PCDHB1: variants seen among roughly 807,000 people sequenced by gnomAD.
The protein encoded by PCDHB1 is protocadherin beta 1.
A neutral mutation model predicts 43.5 loss-of-function variants in PCDHB1; 44 were observed. That is an observed-to-expected ratio of 1.01 (90% CI 0.79 to 1.30). The LOEUF (loss-of-function observed/expected upper bound fraction) is 1.30, where lower values mean the gene tolerates loss of function less well. Ranked by LOEUF, PCDHB1 falls within the 50% of genes most tolerant of loss-of-function variation. The pLI is 0.00. For synonymous variants in PCDHB1, 392 were observed against 400.8 expected, an observed-to-expected ratio of 0.98 and a Z score of 0.26; for missense variants, 919 against 1,008.9, an observed-to-expected ratio of 0.91 and a Z score of 1.21.
chr5:141,053,248 T>C lies in PCDHB1; in HGVS notation c.1778T>C (p.Val593Ala). Residue 593 changes from valine to alanine, a missense_variant, in exon 1 of 1, where the codon GTG becomes GCG. Transcript: ENST00000306549. Reference protein sequence around the residue: ...AGYLVTKVVAVDGDSGQNSWL... With the variant: ...AGYLVTKVVAADGDSGQNSWL... ...TACCTAGTGACCAAAGTGGTGGCTG[T>C]GGATGGTGACTCAGGTCAGAATTCT... 6.2e-7 allele frequency: 1 copy of C among 1,614,206 alleles called. No individual in the cohort carries two copies. Among genetic ancestry groups the C allele is most frequent in the African/African-American group, 1.3e-5 (1 of 75,050 alleles).
In PCDHB1 at chr5:141,052,191, C is replaced by G; in HGVS notation, c.721C>G (p.Gln241Glu). Residue 241 changes from glutamine to glutamate, a missense_variant, in exon 1 of 1, where the codon CAG becomes GAG. Coordinates refer to ENST00000306549, the MANE Select transcript of PCDHB1 (RefSeq NM_013340.4). The stretch of plus-strand genomic sequence containing the variant: ...TCTGGATGTCAACGACCACGTGCCC[C>G]AGTTCTCGCGACTGGTGTACAGAGC... The part of the protein sequence containing the change: ...VVLDVNDHVP[Q>E]FSRLVYRAQV... 1.2e-6 allele frequency: 2 copies of G among 1,614,126 alleles called. No homozygotes were observed. The highest frequency in any genetic ancestry group is 1.7e-6 in the Non-Finnish European group (2 of 1,180,014).
rs376952804 is a variant in PCDHB1 at position 141,053,400 on chromosome 5, C to T, written c.1930C>T (p.Leu644Phe). Residue 644 changes from leucine to phenylalanine, a missense_variant, in exon 1 of 1, where the codon CTT becomes TTT. Physicochemically the swap from Leu to Phe is conservative, Grantham distance 22. Transcript: ENST00000306549. ...CCCCATGATGCAGAAATTGATCATT[C>T]TTGTTCAGGATCACGGCCAACCAGC... Reference protein sequence around the residue: ...RDPMMQKLIILVQDHGQPALS... With the variant: ...RDPMMQKLIIFVQDHGQPALS... The T allele has an allele frequency of 2.8e-5, 45 of 1,614,094 alleles. No individual in the cohort carries two copies. In the African/African-American group the frequency reaches 5.7e-4, roughly 21 times the overall value.
At position 141,053,537 on chromosome 5, in the gene PCDHB1, A is replaced by T. The variant is rs782344495; in HGVS notation, c.2067A>T (p.Lys689Asn). 1.2e-6 allele frequency: 2 copies of T among 1,614,074 alleles called. No homozygotes were observed. The highest frequency in any genetic ancestry group is 1.7e-6 in the Non-Finnish European group (2 of 1,180,020). ...CTAGAAAGGTAAATCCATCCACTAAATATTTGGTCATTTCTCTGGTCATCC... is the reference window on the plus strand; with the variant it reads ...CTAGAAAGGTAAATCCATCCACTAATTATTTGGTCATTTCTCTGGTCATCC... The part of the protein sequence containing the change: ...KHSRKVNPST[K>N]YLVISLVILS... Residue 689 changes from lysine to asparagine, a missense_variant, in exon 1 of 1, where the codon AAA becomes AAT. Coordinates refer to ENST00000306549, the MANE Select transcript of PCDHB1 (RefSeq NM_013340.4).
Position 141,053,456 on chromosome 5 carries a change from G to C in PCDHB1, c.1986G>C (p.Leu662=). The C allele has an allele frequency of 6.2e-7, 1 of 1,614,162 alleles. No homozygotes were observed. The highest frequency in any genetic ancestry group is 8.5e-7 in the Non-Finnish European group (1 of 1,180,024). Residue 662 remains leucine, a synonymous_variant, in exon 1 of 1, where the codon CTG becomes CTC. Coordinates refer to ENST00000306549, the MANE Select transcript of PCDHB1 (RefSeq NM_013340.4). ...ALSTTVSLNI[L]LVDGFSEPYL... ...CCACTACTGTCTCACTCAACATCCT[G>C]CTGGTAGATGGCTTTTCAGAGCCCT...
chr5:141,052,569 G>T lies in PCDHB1; in HGVS notation c.1099G>T (p.Ala367Ser), dbSNP rs782381626. The change falls in exon 1 of 1, where the codon GCC becomes TCC. Residue 367 changes from alanine (A) to serine (S), a missense_variant. Coordinates refer to ENST00000306549, the MANE Select transcript of PCDHB1 (RefSeq NM_013340.4). ...PEDSPPQTVV[A>S]LFTIRDRDIR... ...AGACTCACCACCACAGACAGTAGTA[G>T]CCCTTTTCACTATCAGAGACCGGGA... The T allele has an allele frequency of 3.7e-6, 6 of 1,614,160 alleles. No individual in the cohort carries two copies. The highest frequency in any genetic ancestry group is 5.1e-6 in the Non-Finnish European group (6 of 1,180,032).
Position 141,053,984 on chromosome 5 carries a change from A to G in PCDHB1, c.*57A>G. ...AGCAAAATTTTATACTTGGTATGCA[A>G]AGATGTTACATCCTCATTAAAACAA... is the stretch of plus-strand genomic sequence containing the variant. On this transcript the variant is annotated 3_prime_UTR_variant, in exon 1 of 1. Coordinates refer to ENST00000306549, the MANE Select transcript of PCDHB1 (RefSeq NM_013340.4). The G allele has an allele frequency of 7.0e-7, 1 of 1,429,708 alleles. No homozygotes were observed. Among genetic ancestry groups the G allele is most frequent in the Non-Finnish European group, 9.6e-7 (1 of 1,043,476 alleles). 88.6% of individuals were successfully genotyped at this position (1,429,708 alleles called of 1,614,324 possible). A position where few individuals can be genotyped will look rare whatever the true frequency, so the allele number is the denominator to read the frequency against.
In PCDHB1 at chr5:141,051,436, G is replaced by A; in HGVS notation, c.-35G>A. The A allele has an allele frequency of 6.2e-7, 1 of 1,607,194 alleles. No homozygotes were observed. The highest frequency in any genetic ancestry group is 8.5e-7 in the Non-Finnish European group (1 of 1,174,684). On this transcript the variant is annotated 5_prime_UTR_variant, in exon 1 of 1. Transcript: ENST00000306549. Reference sequence around the variant, plus strand: ...AAGTGAAAGTATATCCGCAACAGTTGGCTCTGATTGCAGAGAGCGCGCTTG... The same window carrying A: ...AAGTGAAAGTATATCCGCAACAGTTAGCTCTGATTGCAGAGAGCGCGCTTG...
At position 141,052,854 on chromosome 5, in the gene PCDHB1, C is replaced by T. The variant is rs140133940; in HGVS notation, c.1384C>T (p.Arg462Ter). The change falls in exon 1 of 1, where the codon CGA becomes TGA. Residue 462 changes from arginine (R) to a stop codon, truncating the protein, a stop_gained. Coordinates refer to ENST00000306549, the MANE Select transcript of PCDHB1 (RefSeq NM_013340.4). LOFTEE classifies it high-confidence loss of function. ...GGAAGATTCCTATATCTTGACTGTTCGAGAAAACAACAGTCCTGCGGTTTT... is the reference window on the plus strand; with the variant it reads ...GGAAGATTCCTATATCTTGACTGTTTGAGAAAACAACAGTCCTGCGGTTTT... ...FREDSYILTV[R>*]ENNSPAVFIG... is the part of the protein sequence containing the mutation. 4 of 1,614,066 alleles carry T rather than the reference C, an allele frequency of 2.5e-6. No homozygotes were observed. The highest frequency in any genetic ancestry group is 2.2e-5 in the East Asian group (1 of 44,882).
Position 141,051,375 on chromosome 5 carries a change from A to G in PCDHB1, c.-96A>G. The G allele has an allele frequency of 2.2e-6, 3 of 1,354,976 alleles. No individual in the cohort carries two copies. The highest frequency in any genetic ancestry group is 3.1e-6 in the Non-Finnish European group (3 of 973,952). The allele number at this position is 1,354,976 out of a possible 1,614,324, so 83.9% of individuals were successfully genotyped here. A position where few individuals can be genotyped will look rare whatever the true frequency, so the allele number is the denominator to read the frequency against. On this transcript the variant is annotated 5_prime_UTR_variant, in exon 1 of 1. Coordinates refer to ENST00000306549, the MANE Select transcript of PCDHB1 (RefSeq NM_013340.4). ...TGGTGCTGCAGTTAGAGGCTAGTGA[A>G]GCGGAGAGCAGCTGTTGCAGTAACC... is the stretch of plus-strand genomic sequence containing the variant.
Position 141,051,723 on chromosome 5 carries a change from T to A in PCDHB1, c.253T>A (p.Phe85Ile), listed in dbSNP as rs187893458. The change falls in exon 1 of 1, where the codon TTT (phenylalanine) becomes ATT (isoleucine). Residue 85 changes from phenylalanine (F) to isoleucine (I), a missense_variant. Transcript: ENST00000306549. Reference protein sequence around the residue: ...FRLHRKTGDLFVKEKLDRESL... With the variant: ...FRLHRKTGDLIVKEKLDRESL... ...GCTCCACCGCAAGACGGGAGATTTG[T>A]TTGTGAAGGAGAAACTGGATCGGGA... The A allele has an allele frequency of 1.9e-6, 3 of 1,614,214 alleles. No individual in the cohort carries two copies. In the African/African-American group the frequency reaches 4.0e-5, roughly 22 times the overall value.
At position 141,058,986 on chromosome 5, in the gene PCDHB1, T is replaced by C. The variant is rs1200648915; in HGVS notation, c.*5059T>C. 1 of 152,192 alleles carries C rather than the reference T, an allele frequency of 6.6e-6. No homozygotes were observed. Among genetic ancestry groups the C allele is most frequent in the Non-Finnish European group, 1.5e-5 (1 of 68,002 alleles). 9.4% of individuals were successfully genotyped at this position (152,192 alleles called of 1,614,324 possible). ...GAGATGAAGAGCAGATTTTTAAGACTGGAATTATCCATATAGAATACATTT... is the reference window on the plus strand; with the variant it reads ...GAGATGAAGAGCAGATTTTTAAGACCGGAATTATCCATATAGAATACATTT... On this transcript the variant is annotated 3_prime_UTR_variant, in exon 1 of 1. Transcript: ENST00000306549.
In PCDHB1 at chr5:141,055,124, A is replaced by G. The variant is rs1357320205; in HGVS notation, c.*1197A>G. The G allele has an allele frequency of 2.7e-5, 4 of 150,778 alleles. No homozygotes were observed. Among genetic ancestry groups the G allele is most frequent in the African/African-American group, 1.0e-4 (4 of 40,100 alleles). The allele number at this position is 150,778 out of a possible 1,614,324, so 9.3% of individuals were successfully genotyped here. On this transcript the variant is annotated 3_prime_UTR_variant, in exon 1 of 1. Transcript: ENST00000306549. ...AAACGGAAATGGAGGGTGGGTGAGG[A>G]AAAAAATAAAGTATGACGGCTGGGC...
Position 141,058,508 on chromosome 5 carries a change from G to GA in PCDHB1, c.*4583dup, listed in dbSNP as rs1751177645. The GA allele has an allele frequency of 6.6e-6, 1 of 152,082 alleles. No individual in the cohort carries two copies. Among genetic ancestry groups the GA allele is most frequent in the African/African-American group, 2.4e-5 (1 of 41,416 alleles). 9.4% of individuals were successfully genotyped at this position (152,082 alleles called of 1,614,324 possible). On this transcript the variant is annotated 3_prime_UTR_variant, in exon 1 of 1. Coordinates refer to ENST00000306549, the MANE Select transcript of PCDHB1 (RefSeq NM_013340.4). ...ATCTTTTTTCTTTTATTGTGGTAAA[G>GA]AACTTATAAAATGTACCATGTTAGC... is the stretch of plus-strand genomic sequence containing the variant.
Position 141,053,036 on chromosome 5 carries a change from T to A in PCDHB1, c.1566T>A (p.Tyr522Ter). 6.2e-7 allele frequency: 1 copy of A among 1,614,238 alleles called. No homozygotes were observed. The highest frequency in any genetic ancestry group is 8.5e-7 in the Non-Finnish European group (1 of 1,180,038). Reference protein sequence around the residue: ...GKLYALRTMDYEAIQDFQFVV... With the variant: ...GKLYALRTMD ...TCTACGCGCTGAGAACCATGGATTA[T>A]GAGGCCATTCAAGATTTTCAATTTG... Residue 522 changes from tyrosine (Y) to a stop codon, truncating the protein, a stop_gained, in exon 1 of 1, where the codon TAT becomes TAA. Transcript: ENST00000306549. LOFTEE classifies it high-confidence loss of function.
chr5:141,052,229 G>C lies in PCDHB1; in HGVS notation c.759G>C (p.Glu253Asp), dbSNP rs137926825. ...SRLVYRAQVS[E>D]NSPNGSLVAT... Reference sequence around the variant, plus strand: ...TGGTGTACAGAGCCCAGGTATCAGAGAACAGCCCCAATGGCTCTTTGGTGG... The same window carrying C: ...TGGTGTACAGAGCCCAGGTATCAGACAACAGCCCCAATGGCTCTTTGGTGG... Residue 253 changes from glutamate (E) to aspartate (D), a missense_variant, in exon 1 of 1, where the codon GAG (glutamate) becomes GAC (aspartate). Physicochemically the swap from Glu to Asp is conservative, Grantham distance 45. Transcript: ENST00000306549. 8 of 1,614,194 alleles carry C rather than the reference G, an allele frequency of 5.0e-6. No individual in the cohort carries two copies. The African/African-American group carries it at 8.0e-5, about 16-fold the overall frequency.
rs782275776 is a variant in PCDHB1 at position 141,053,725 on chromosome 5, C to T, written c.2255C>T (p.Pro752Leu). ...QGQGNGSLSR[P>L]CPYEMCSATG... ...CAAGGCAATGGATCCTTATCTCGGC[C>T]TTGTCCATATGAAATGTGTTCAGCC... Residue 752 changes from proline to leucine, a missense_variant, in exon 1 of 1, where the codon CCT becomes CTT. Pro to Leu is a moderately conservative substitution (Grantham distance 98, BLOSUM62 -3). Coordinates refer to ENST00000306549, the MANE Select transcript of PCDHB1 (RefSeq NM_013340.4). 1.9e-6 allele frequency: 3 copies of T among 1,614,164 alleles called. No homozygotes were observed. Among genetic ancestry groups the T allele is most frequent in the Non-Finnish European group, 1.7e-6 (2 of 1,180,002 alleles).
chr5:141,056,447 T>G lies in PCDHB1; in HGVS notation c.*2520T>G, dbSNP rs1290748028. 6.6e-6 allele frequency: 1 copy of G among 152,210 alleles called. No homozygotes were observed. The highest frequency in any genetic ancestry group is 2.4e-5 in the African/African-American group (1 of 41,456). The allele number at this position is 152,210 out of a possible 1,614,324, so 9.4% of individuals were successfully genotyped here. On this transcript the variant is annotated 3_prime_UTR_variant, in exon 1 of 1. Transcript: ENST00000306549. ...AATGAATTGCTTTTATTTTTAATAT[T>G]AAATATTTTACATACATTGAGTTAT... is the stretch of plus-strand genomic sequence containing the variant.
rs192224343 is a variant in PCDHB1, at chr5:141,051,997, G to T, written c.527G>T (p.Gly176Val). 2.5e-5 allele frequency: 40 copies of T among 1,614,118 alleles called. 1 individual carries two copies. In the African/African-American group the frequency reaches 3.1e-4, roughly 12 times the overall value. The change falls in exon 1 of 1, where the codon GGG becomes GTG. Residue 176 changes from glycine (G) to valine (V), a missense_variant. By Grantham distance (109) the Gly-to-Val change is moderately radical (BLOSUM62 -3). Transcript: ENST00000306549. ...CAGAACTACACCCTGAGTGCCAATG[G>T]GTATTTCCACCTGCACACCCGCTTC... The part of the protein sequence containing the change: ...GLQNYTLSAN[G>V]YFHLHTRFCS...
In PCDHB1 at chr5:141,052,942, T is replaced by A; in HGVS notation, c.1472T>A (p.Leu491Gln). ...LGENAQITYS[L>Q]LPPKNGDLSV... ...GAGAATGCCCAAATAACATATTCTC[T>A]GTTGCCTCCAAAAAACGGAGATCTT... The change falls in exon 1 of 1, where the codon CTG (leucine) becomes CAG (glutamine). Residue 491 changes from leucine to glutamine, a missense_variant. Leu to Gln is a moderately radical substitution (Grantham distance 113). Transcript: ENST00000306549. 6.2e-7 allele frequency: 1 copy of A among 1,614,250 alleles called. No individual in the cohort carries two copies. Among genetic ancestry groups the A allele is most frequent in the South Asian group, 1.1e-5 (1 of 91,088 alleles).
Sources: gnomAD v4.1 joint callset for allele counts on GRCh38, gnomAD v4.1.1 for gene constraint, MANE v1.5 for transcripts, NCBI Gene and HGNC (gene_info 2026-07-23, HGNC 2026-07-21) for gene names.